The following IRAK1 variants were observed in gnomAD, a reference collection of about 807,000 sequenced individuals.
IRAK1 encodes interleukin 1 receptor associated kinase 1.
In IRAK1, 9 loss-of-function variants were observed where a neutral mutation model predicts 49.8. That is an observed-to-expected ratio of 0.18 (90% CI 0.11 to 0.32). IRAK1 has a LOEUF of 0.32. Ranked by LOEUF, IRAK1 falls within the 10% of genes least tolerant of loss-of-function variation. IRAK1 has a pLI of 1.00. For synonymous variants in IRAK1, 282 were observed against 270.8 expected (o/e 1.04, Z -0.41); for missense variants, 418 against 600.5 (o/e 0.70, Z 3.18).
Position 154,012,714 on chromosome X carries a change from G to A in IRAK1, c.1931-36C>T, listed in dbSNP as rs199550370. 3.4e-6 allele frequency: 4 copies of A among 1,188,951 alleles called. No individual in the cohort carries two copies. In the East Asian group the frequency reaches 9.0e-5, roughly 27 times the overall value. On this transcript the variant is annotated intron_variant, in intron 12 of 13. Coordinates refer to ENST00000369980, the MANE Select transcript of IRAK1 (RefSeq NM_001569.4). ...GATGGCACTCCCTTAGCCTCATGCT[G>A]TGGCTCCCCAGCCCGCAGCCTAGCA...
chrX:154,019,770 C>G lies in IRAK1; in HGVS notation c.43G>C (p.Ala15Pro), dbSNP rs782079065. 1 of 925,907 alleles carries G rather than the reference C, an allele frequency of 1.1e-6. No homozygotes were observed. Among genetic ancestry groups the G allele is most frequent in the East Asian group, 4.7e-5 (1 of 21,475 alleles). 76.3% of individuals were successfully genotyped at this position (925,907 alleles called of 1,213,427 possible). The change falls in exon 1 of 14, where the codon GCC becomes CCC. Residue 15 changes from alanine (A) to proline (P), a missense_variant. By Grantham distance (27) the Ala-to-Pro change is conservative. Around this residue, in one of 3 missense-constraint regions of IRAK1, gnomAD observed 20 missense variants for 16.1 expected, o/e 1.24. Transcript: ENST00000369980. ...GGCACCTCGTACAAGAAGTGCTGGG[C>G]GCCGGGGGCTGCGGGCTCCCCCGGG... ...PGPGEPAAPGAQHFLYEVPPW... is the reference protein window; with the variant it reads ...PGPGEPAAPGPQHFLYEVPPW...
Position 154,016,115 on chromosome X carries a change from G to T in IRAK1, c.1237-18C>A. 1 of 1,185,930 alleles carries T rather than the reference G, an allele frequency of 8.4e-7. No individual in the cohort carries two copies. Among genetic ancestry groups the T allele is most frequent in the African/African-American group, 1.7e-5 (1 of 57,482 alleles). On this transcript the variant is annotated intron_variant, in intron 9 of 13. Coordinates refer to ENST00000369980, the MANE Select transcript of IRAK1 (RefSeq NM_001569.4). ...AGCACTACCTGGAGAGAGGGAAGAG[G>T]GAGAGCATGGCAGTGGCCTTGGCAG...
At position 154,016,754 on chromosome X, in the gene IRAK1, G is replaced by A. The variant is rs782398973; in HGVS notation, c.1029-110C>T. The stretch of plus-strand genomic sequence containing the variant: ...GCCCGGTGCCTTGCCCACAGAAAGC[G>A]CTGGCACTGCCCTGAGCGCTCCAGC... On this transcript the variant is annotated intron_variant, in intron 8 of 13. Coordinates refer to ENST00000369980, the MANE Select transcript of IRAK1 (RefSeq NM_001569.4). The A allele has an allele frequency of 2.1e-5, 15 of 710,482 alleles. No homozygotes were observed. The Admixed American group carries it at 2.3e-4, about 11-fold the overall frequency. The allele number at this position is 710,482 out of a possible 1,213,427, so 58.6% of individuals were successfully genotyped here. A position where few individuals can be genotyped will look rare whatever the true frequency, so the allele number is the denominator to read the frequency against.
At position 154,019,210 on chromosome X, in the gene IRAK1, G is replaced by A. The variant is rs782256575; in HGVS notation, c.423C>T (p.Thr141=). ...SPRKLPSSAS[T]FLSPAFPGSQ... ...GGGCCCTCTTACCTGGGGAGAGGAA[G>A]GTGGAGGCTGAGGATGGCAACTTCC... Residue 141 remains threonine, a synonymous_variant, in exon 3 of 14, where the codon ACC becomes ACT. Coordinates refer to ENST00000369980, the MANE Select transcript of IRAK1 (RefSeq NM_001569.4). 11 of 1,209,438 alleles carry A rather than the reference G, an allele frequency of 9.1e-6. No homozygotes were observed. In the African/African-American group the frequency reaches 1.2e-4, roughly 13 times the overall value.
intron 10 of IRAK1, 35 bp downstream of exon 10, chrX:154,015,997 G>A (rs1260153026): frequency 2.6e-6 from 3 of 1,148,392 alleles, no homozygotes; most frequent in African/African-American, 3.6e-5. Flanking sequence ...GCCAGCAGCT[G>A]TGTGTCCCTC....
intron 13 of IRAK1, among the ~76,000 whole-genome samples, chrX:154,012,202 C>T (rs782129936): frequency 8.9e-6 from 1 of 112,899 alleles, no homozygotes; most frequent in African/African-American, 3.2e-5. Flanking sequence ...TGAGCCACCT[C>T]GCCCAGCTGA....
At position 154,019,222 on chromosome X, in the gene IRAK1, G is replaced by C. The variant is rs782367012; in HGVS notation, c.411C>G (p.Ser137=). 8.3e-7 allele frequency: 1 copy of C among 1,210,959 alleles called. No homozygotes were observed. ...AEAWSPRKLP[S]SASTFLSPAF... is the part of the protein sequence containing the mutation. ...CTGGGGAGAGGAAGGTGGAGGCTGA[G>C]GATGGCAACTTCCGGGGGCTCCAGG... The change falls in exon 3 of 14, where the codon TCC becomes TCG. Residue 137 remains serine, a synonymous_variant. Coordinates refer to ENST00000369980, the MANE Select transcript of IRAK1 (RefSeq NM_001569.4).
chrX:154,018,508 A>G, intron 5 of IRAK1, 91 bp downstream of exon 5: 11 of 907,058 alleles, frequency 1.2e-5, no homozygotes, highest in Non-Finnish European at 1.8e-5. Flanking sequence ...GGGCTGAAGG[A>G]GTTGTGTGGG....
At position 154,012,696 on chromosome X, in the gene IRAK1, C is replaced by G. The variant is rs782154635; in HGVS notation, c.1931-18G>C. ...GGCCAGTCCTGGGGTGGAGATGGCA[C>G]TCCCTTAGCCTCATGCTGTGGCTCC... is the stretch of plus-strand genomic sequence containing the variant. On this transcript the variant is annotated intron_variant, in intron 12 of 13. Coordinates refer to ENST00000369980, the MANE Select transcript of IRAK1 (RefSeq NM_001569.4). The G allele has an allele frequency of 8.3e-6, 10 of 1,199,765 alleles. No individual in the cohort carries two copies. Among genetic ancestry groups the G allele is most frequent in the Non-Finnish European group, 1.1e-5 (10 of 887,815 alleles).
In IRAK1 at chrX:154,011,424, C is replaced by T; in HGVS notation, c.*435G>A. On this transcript the variant is annotated 3_prime_UTR_variant, in exon 14 of 14. Coordinates refer to ENST00000369980, the MANE Select transcript of IRAK1 (RefSeq NM_001569.4). The stretch of plus-strand genomic sequence containing the variant: ...CAAATTGTAAGCAGGTAGGAGGGCC[C>T]TAGGCCTCGTCGGCCCCATTGTGCA... 3.9e-6 allele frequency: 1 copy of T among 254,765 alleles called. No homozygotes were observed. The highest frequency in any genetic ancestry group is 1.0e-4 in the East Asian group (1 of 9,886). The allele number at this position is 254,765 out of a possible 1,213,427, so 21.0% of individuals were successfully genotyped here.
intron 11 of IRAK1, among the ~76,000 whole-genome samples, chrX:154,013,809 A>T (rs1235125467): frequency 2.7e-5 from 3 of 112,746 alleles, no homozygotes; most frequent in Non-Finnish European, 5.6e-5. Flanking sequence ...GCGCGGCAGC[A>T]GCTCTTTCCT....
At chrX:154,015,948 C>A in intron 10 of IRAK1, 84 bp downstream of exon 10, 1 of 822,227 alleles carries the variant, frequency 1.2e-6, no homozygotes, top group Non-Finnish European at 1.8e-6. Context: ...GGGCACTGCG[C>A]CCCAGTTATC....
chrX:154,011,796 T>G lies in IRAK1; in HGVS notation c.*63A>C. ...CAGAGTGCTGAGGACTCGTGCACCA[T>G]GAGAACTTCTGACCATGAGAACTTT... On this transcript the variant is annotated 3_prime_UTR_variant, in exon 14 of 14. Coordinates refer to ENST00000369980, the MANE Select transcript of IRAK1 (RefSeq NM_001569.4). The G allele has an allele frequency of 7.1e-4, 764 of 1,073,042 alleles. No individual in the cohort carries two copies. Among genetic ancestry groups the G allele is most frequent in the Non-Finnish European group, 9.1e-4 (699 of 768,796 alleles). 88.4% of individuals were successfully genotyped at this position (1,073,042 alleles called of 1,213,427 possible).
At position 154,019,252 on chromosome X, in the gene IRAK1, G is replaced by A. The variant is rs781865730; in HGVS notation, c.381C>T (p.Ala127=). Residue 127 remains alanine (A), a synonymous_variant, in exon 3 of 14, where the codon GCC becomes GCT. Coordinates refer to ENST00000369980, the MANE Select transcript of IRAK1 (RefSeq NM_001569.4). The part of the protein sequence containing the change: ...RPSSIPAPAE[A]EAWSPRKLPS... Reference sequence around the variant, plus strand: ...GCAACTTCCGGGGGCTCCAGGCCTCGGCCTCGGCGGGTGCAGGGATGCTGC... The same window carrying A: ...GCAACTTCCGGGGGCTCCAGGCCTCAGCCTCGGCGGGTGCAGGGATGCTGC... The A allele has an allele frequency of 2.5e-6, 3 of 1,203,129 alleles. No individual in the cohort carries two copies. Among genetic ancestry groups the A allele is most frequent in the East Asian group, 5.9e-5 (2 of 33,621 alleles).
intron 8 of IRAK1, 89 bp from the exon 9 acceptor site, chrX:154,016,733 G>A (rs1190488758): frequency 6.0e-6 from 5 of 830,180 alleles, no homozygotes; most frequent in Non-Finnish European, 8.7e-6. Context: ...CTGCCAGCCC[G>A]GTGCCTTGCC....
At chrX:154,014,574 C>T (rs890578604) in intron 10 of IRAK1, among the ~76,000 whole-genome samples, 5 of 110,468 alleles carry the variant, frequency 4.5e-5, no homozygotes, top group Non-Finnish European at 9.5e-5. Flanking sequence ...GGCTGGAGTG[C>T]AGTGGTGCAA....
rs782602337 is a variant in IRAK1, at chrX:154,016,479, C to T, written c.1194G>A (p.Thr398=). The change falls in exon 9 of 14, where the codon ACG becomes ACA. Residue 398 remains threonine (T), a synonymous_variant. Coordinates refer to ENST00000369980, the MANE Select transcript of IRAK1 (RefSeq NM_001569.4). ...LAYLPEEYIK[T]GRLAVDTDTF... ...TGTCCGTGTCCACAGCCAGCCTTCC[C>T]GTCTTGATGTACTCCTCGGGCAGGT... 28 of 1,211,895 alleles carry T rather than the reference C, an allele frequency of 2.3e-5. 1 individual carries two copies. In the South Asian group the frequency reaches 4.6e-4, roughly 20 times the overall value.
Position 154,012,427 on chromosome X carries a change from C to T in IRAK1, c.2080+102G>A, listed in dbSNP as rs1323835867. 18 of 988,002 alleles carry T rather than the reference C, an allele frequency of 1.8e-5. No individual in the cohort carries two copies. The East Asian group carries it at 2.9e-4, about 16-fold the overall frequency. The allele number at this position is 988,002 out of a possible 1,213,427, so 81.4% of individuals were successfully genotyped here. A position where few individuals can be genotyped will look rare whatever the true frequency, so the allele number is the denominator to read the frequency against. On this transcript the variant is annotated intron_variant, in intron 13 of 13. Transcript: ENST00000369980. ...AGGTCGCCAGAGCCAGTGGCCTGCC[C>T]GGCTGCCCCACGCCCTCAGCGCAGT...
In IRAK1 at chrX:154,011,233, C is replaced by T. The variant is rs1024859110; in HGVS notation, c.*626G>A. The T allele has an allele frequency of 3.6e-6, 1 of 277,824 alleles. No homozygotes were observed. Among genetic ancestry groups the T allele is most frequent in the Non-Finnish European group, 6.9e-6 (1 of 144,941 alleles). 22.9% of individuals were successfully genotyped at this position (277,824 alleles called of 1,213,427 possible). A position where few individuals can be genotyped will look rare whatever the true frequency, so the allele number is the denominator to read the frequency against. ...CCCAGCAGCTGGGACCACAGGCGTG[C>T]GCTACCACGCCAGGCTAATAGTTTA... On this transcript the variant is annotated 3_prime_UTR_variant, in exon 14 of 14. Coordinates refer to ENST00000369980, the MANE Select transcript of IRAK1 (RefSeq NM_001569.4).
Sources: gnomAD v4.1 joint callset for allele counts (sites outside exome capture counted in the v4.1 genomes callset) on GRCh38, gnomAD v4.1.1 for gene constraint, gnomAD v4.1.1 regional missense constraint, MANE v1.5 for transcripts, NCBI Gene and HGNC (gene_info 2026-07-23, HGNC 2026-07-21) for gene names.